Variants in AAR2 observed in about 807,000 individuals in gnomAD.
The protein encoded by AAR2 is AAR2 splicing factor.
In AAR2, 31 loss-of-function variants were observed where a neutral mutation model predicts 26.9. The observed-to-expected ratio is 1.15, with a 90% confidence interval of 0.86 to 1.55. AAR2 has a LOEUF of 1.55. AAR2 is among the 40% of genes most tolerant of loss of function. The probability of loss-of-function intolerance (pLI) is 0.00; values close to 1 mark genes in which losing one functional copy is unlikely to be tolerated. For synonymous variants in AAR2, 188 were observed against 196.1 expected (o/e 0.96, Z 0.34); for missense variants, 430 against 491.3 (o/e 0.88, Z 1.18).
intron 3 of AAR2, among the ~76,000 whole-genome samples, chr20:36,247,684 A>G (rs1165747659): frequency 6.6e-6 from 1 of 152,184 alleles, no homozygotes; most frequent in African/African-American, 2.4e-5. Context: ...CCTGGCCAAC[A>G]TGGTGAAACC....
At chr20:36,243,195 T>A (rs887811900) in intron 2 of AAR2, among the ~76,000 whole-genome samples, 1 of 152,218 alleles carries the variant, frequency 6.6e-6, no homozygotes, top group Non-Finnish European at 1.5e-5. Flanking sequence ...AAATATAATT[T>A]AATTTTAGAT....
At chr20:36,254,333 A>T (rs940115743) in intron 3 of AAR2, among the ~76,000 whole-genome samples, 6 of 152,274 alleles carry the variant, frequency 3.9e-5, no homozygotes, top group Non-Finnish European at 5.9e-5. Context: ...AAGTGAAATA[A>T]GCCAGTTGCA....
At position 36,240,018 on chromosome 20, in the gene AAR2, G is replaced by C. The variant is rs1437839351; in HGVS notation, c.150G>C (p.Met50Ile). ...GGCCCAAGTTCCGGGGCGTGAAGAT[G>C]ATCCCTCCAGGCATCCACTTCCTCC... is the stretch of plus-strand genomic sequence containing the variant. Reference protein sequence around the residue: ...EVGPKFRGVKMIPPGIHFLHY... With the variant: ...EVGPKFRGVKIIPPGIHFLHY... The change falls in exon 2 of 4, where the codon ATG becomes ATC. Residue 50 changes from methionine to isoleucine, a missense_variant. By Grantham distance (10) the Met-to-Ile change is conservative (BLOSUM62 1). Transcript: ENST00000320849. The C allele has an allele frequency of 8.1e-6, 13 of 1,614,226 alleles. No individual in the cohort carries two copies. Among genetic ancestry groups the C allele is most frequent in the Non-Finnish European group, 1.1e-5 (13 of 1,180,040 alleles).
Position 36,255,606 on chromosome 20 carries a change from C to CCGTGGAT in AAR2, c.1017_1023dup (p.Ala342ArgfsTer10), listed in dbSNP as rs2064813743. ...TTCTTTTCCTCTGCCTGCAGCATTG[C>CCGTGGAT]CGTGGATGCCACCCTGAGAAAGAAA... On this transcript the variant is annotated frameshift_variant, in exon 4 of 4. Transcript: ENST00000320849. LOFTEE classifies it high-confidence loss of function. 1 of 1,614,228 alleles carries CCGTGGAT rather than the reference C, an allele frequency of 6.2e-7. No homozygotes were observed.
chr20:36,254,168 T>C lies in AAR2; in HGVS notation c.988-1410T>C, dbSNP rs2147300456. Among the ~76,000 whole-genome samples the C allele has an allele frequency of 2.0e-5, 3 of 152,332 alleles. No individual in the cohort carries two copies. The East Asian group carries it at 5.8e-4, about 29-fold the overall frequency. On this transcript the variant is annotated intron_variant, in intron 3 of 3. Transcript: ENST00000320849. ...ATGTTCATAGCAGCATTATTCACGA[T>C]AGCCAGAAGGTAAAAACAACACAAA...
chr20:36,247,435 C>G (rs1290290899), intron 3 of AAR2, among the ~76,000 whole-genome samples: 2 of 152,194 alleles, frequency 1.3e-5, no homozygotes, highest in Non-Finnish European at 2.9e-5. Flanking sequence ...GTCGCAAAGG[C>G]CATTCTGATC....
chr20:36,240,706 GTGT>G, intron 2 of AAR2, 81 bp downstream of exon 2: 1 of 1,495,026 alleles, frequency 6.7e-7, no homozygotes, highest in East Asian at 2.4e-5. Context: ...AGTACATCTT[GTGT>G]TAGTCCAGCA....
intron 3 of AAR2, among the ~76,000 whole-genome samples, chr20:36,251,660 A>T (rs2064781583): frequency 6.6e-6 from 1 of 152,248 alleles, no homozygotes; most frequent in Non-Finnish European, 1.5e-5. Context: ...CTAGTGTCTT[A>T]CCTCTGCAGT....
intron 3 of AAR2, among the ~76,000 whole-genome samples, chr20:36,249,020 T>A (rs2064761003): frequency 6.6e-6 from 1 of 152,160 alleles, no homozygotes; most frequent in Non-Finnish European, 1.5e-5. Context: ...GCCAGCCGCC[T>A]GCCCTCCCAG....
chr20:36,256,042 G>A lies in AAR2; in HGVS notation c.*297G>A, dbSNP rs895136578. ...GCTCCTAGGAGACATCTGCCTACAC[G>A]GCAACCATATTTCCTCTGAATGAGA... On this transcript the variant is annotated 3_prime_UTR_variant, in exon 4 of 4. Transcript: ENST00000320849. 14 of 307,246 alleles carry A rather than the reference G, an allele frequency of 4.6e-5. No homozygotes were observed. Among genetic ancestry groups the A allele is most frequent in the African/African-American group, 1.9e-4 (9 of 47,090 alleles). The allele number at this position is 307,246 out of a possible 1,614,324, so 19.0% of individuals were successfully genotyped here. A position where few individuals can be genotyped will look rare whatever the true frequency, so the allele number is the denominator to read the frequency against.
chr20:36,240,302 T>G lies in AAR2; in HGVS notation c.434T>G (p.Val145Gly), dbSNP rs373127299. 21 of 1,614,018 alleles carry G rather than the reference T, an allele frequency of 1.3e-5. No individual in the cohort carries two copies. The highest frequency in any genetic ancestry group is 1.7e-5 in the Non-Finnish European group (20 of 1,180,022). The change falls in exon 2 of 4, where the codon GTG (valine) becomes GGG (glycine). Residue 145 changes from valine to glycine, a missense_variant. Transcript: ENST00000320849. The stretch of plus-strand genomic sequence containing the variant: ...ACCAACTTCATCAGCGAAGCCACAG[T>G]GGAGAAGCTACAGCCCGAGAATCGA... ...SLTNFISEAT[V>G]EKLQPENRQI...
intron 3 of AAR2, among the ~76,000 whole-genome samples, chr20:36,245,782 A>C (rs910111848): frequency 1.3e-5 from 2 of 152,154 alleles, no homozygotes; most frequent in Admixed American, 6.5e-5. Flanking sequence ...ACACTTTGGG[A>C]GGTGAAGGCA....
intron 3 of AAR2, 29 bp from the exon 4 acceptor site, chr20:36,255,549 A>C: frequency 6.2e-7 from 1 of 1,613,476 alleles, no homozygotes; most frequent in South Asian, 1.1e-5. Flanking sequence ...CCGTCTTCTC[A>C]GGAGTGACTT....
chr20:36,244,660 C>T, intron 2 of AAR2, 37 bp from the exon 3 acceptor site: 1 of 1,598,562 alleles, frequency 6.3e-7, no homozygotes, highest in Non-Finnish European at 8.6e-7. Context: ...TGGTCCTCCT[C>T]TCCCTCAGAA....
At chr20:36,250,748 G>A (rs913564170) in intron 3 of AAR2, among the ~76,000 whole-genome samples, 3 of 152,098 alleles carry the variant, frequency 2.0e-5, no homozygotes, top group Non-Finnish European at 4.4e-5. Context: ...ACTCAGAACT[G>A]GATACCAAAA....
intron 3 of AAR2, among the ~76,000 whole-genome samples, chr20:36,252,984 T>C (rs1178464851): frequency 6.6e-6 from 1 of 152,134 alleles, no homozygotes; most frequent in African/African-American, 2.4e-5. Flanking sequence ...GCTAATTAGT[T>C]ATTGATCTGG....
At chr20:36,243,532 T>C (rs143354628) in intron 2 of AAR2, among the ~76,000 whole-genome samples, 1 of 152,300 alleles carries the variant, frequency 6.6e-6, no homozygotes, top group Non-Finnish European at 1.5e-5. Context: ...CCCACATGTA[T>C]GTATACCTCA....
chr20:36,245,746 C>T (rs1023401467), intron 3 of AAR2, among the ~76,000 whole-genome samples: 4 of 152,158 alleles, frequency 2.6e-5, no homozygotes, highest in Non-Finnish European at 2.9e-5. Flanking sequence ...TGGGGCTGGG[C>T]GTGGTGGTTC....
At chr20:36,254,721 G>A (rs2147300960) in intron 3 of AAR2, among the ~76,000 whole-genome samples, 1 of 152,254 alleles carries the variant, frequency 6.6e-6, no homozygotes, top group Middle Eastern at 3.4e-3. Flanking sequence ...GGTTGAAATG[G>A]TAGATCTTAT....
Sources: allele counts gnomAD v4.1 joint callset (sites outside exome capture counted in the v4.1 genomes callset), GRCh38; gene constraint gnomAD v4.1.1; transcripts MANE v1.5; gene names NCBI Gene and HGNC (gene_info 2026-07-23, HGNC 2026-07-21).